The following EXT1 variants were observed in gnomAD, a reference collection of about 807,000 sequenced individuals.
The protein encoded by EXT1 is exostosin glycosyltransferase 1.
In EXT1, 20 loss-of-function variants were observed where a neutral mutation model predicts 82.5. That is an observed-to-expected ratio of 0.24 (90% CI 0.17 to 0.35). The LOEUF (loss-of-function observed/expected upper bound fraction) is 0.35, where lower values mean the gene tolerates loss of function less well. Among genes scored for constraint, EXT1 ranks in the 10% least tolerant of loss-of-function variants. The pLI, the probability that EXT1 is intolerant of heterozygous loss-of-function variation, is 1.00. For synonymous variants in EXT1, 348 were observed against 350.8 expected, an observed-to-expected ratio of 0.99 and a Z score of 0.09; for missense variants, 757 against 936.5, an observed-to-expected ratio of 0.81 and a Z score of 2.50.
intron 1 of EXT1, among the ~76,000 whole-genome samples, chr8:118,040,977 A>G (rs1480443792): frequency 6.6e-6 from 1 of 152,234 alleles, no homozygotes; most frequent in African/African-American, 2.4e-5. Flanking sequence ...AGGGGACCCA[A>G]TTCTCATCAA....
chr8:117,992,419 C>T (rs747280814), intron 1 of EXT1, among the ~76,000 whole-genome samples: 1 of 136,164 alleles, frequency 7.3e-6, no homozygotes, highest in African/African-American at 2.8e-5. Flanking sequence ...CTCAACGGGA[C>T]CTCCTCCTTT....
At chr8:117,834,691 T>TA (rs1554579893) in intron 3 of EXT1, among the ~76,000 whole-genome samples, 1 of 151,724 alleles carries the variant, frequency 6.6e-6, no homozygotes, top group African/African-American at 2.4e-5. Flanking sequence ...GCAAAGACAT[T>TA]AAAAAAAATT....
chr8:117,946,538 A>G (rs1306030230), intron 1 of EXT1, among the ~76,000 whole-genome samples: 1 of 152,178 alleles, frequency 6.6e-6, no homozygotes, highest in Non-Finnish European at 1.5e-5. Context: ...CTGCCAAGAC[A>G]CAACCAGGGC....
chr8:117,958,774 G>C (rs1417627812), intron 1 of EXT1, among the ~76,000 whole-genome samples: 1 of 152,084 alleles, frequency 6.6e-6, no homozygotes, highest in African/African-American at 2.4e-5. Flanking sequence ...TTTTCAACTA[G>C]CCTAAGCAAA....
chr8:117,944,855 T>A (rs73323928), intron 1 of EXT1, among the ~76,000 whole-genome samples: 2 of 152,124 alleles, frequency 1.3e-5, no homozygotes, highest in Non-Finnish European at 2.9e-5. Flanking sequence ...AGGTCTATGC[T>A]CAGTGCTAAA....
chr8:118,047,725 T>C (rs1372411212), intron 1 of EXT1, among the ~76,000 whole-genome samples: 1 of 152,166 alleles, frequency 6.6e-6, no homozygotes, highest in Non-Finnish European at 1.5e-5. Context: ...CGAAAAAATA[T>C]CTGCTATTTA....
At chr8:118,008,517 G>T (rs1815828316) in intron 1 of EXT1, among the ~76,000 whole-genome samples, 1 of 152,110 alleles carries the variant, frequency 6.6e-6, no homozygotes, top group South Asian at 2.1e-4. Flanking sequence ...CTCCAAAAGT[G>T]CTGGGATTAC....
chr8:117,800,000 T>G, intron 10 of EXT1, 103 bp from the exon 11 acceptor site: 2 of 1,276,342 alleles, frequency 1.6e-6, no homozygotes, highest in Non-Finnish European at 2.2e-6. Context: ...CAGCAAAGCT[T>G]GGGGTCTGGC....
At chr8:117,812,162 C>G (rs1212037726) in intron 8 of EXT1, among the ~76,000 whole-genome samples, 1 of 152,176 alleles carries the variant, frequency 6.6e-6, no homozygotes, top group East Asian at 1.9e-4. Context: ...CTCATATACT[C>G]CATTTTTATA....
rs760572042 is a variant in EXT1, at chr8:118,110,167, G to C, written c.880C>G (p.Leu294Val). 3 of 1,614,194 alleles carry C rather than the reference G, an allele frequency of 1.9e-6. No homozygotes were observed. In the Admixed American group the frequency reaches 5.0e-5, roughly 27 times the overall value. Residue 294 changes from leucine (L) to valine (V), a missense_variant, in exon 1 of 11, where the codon CTC becomes GTC. This residue lies in a region of EXT1 where 247 missense variants were observed against 330.1 expected (regional missense o/e 0.75). Coordinates refer to ENST00000378204, the MANE Select transcript of EXT1 (RefSeq NM_000127.3). ...YHVHNGEDVV[L>V]LTTCKHGKDW... ...TTGCCATGCTTGCAGGTGGTGAGGA[G>C]CACAACGTCCTCCCCGTTATGGACG...
At chr8:117,908,233 C>T (rs1429122285) in intron 1 of EXT1, among the ~76,000 whole-genome samples, 1 of 152,150 alleles carries the variant, frequency 6.6e-6, no homozygotes, top group Non-Finnish European at 1.5e-5. Flanking sequence ...AATTATTTCC[C>T]AAAACTGCAT....
At chr8:118,009,696 G>C (rs1815854037) in intron 1 of EXT1, among the ~76,000 whole-genome samples, 1 of 152,186 alleles carries the variant, frequency 6.6e-6, no homozygotes, top group South Asian at 2.1e-4. Flanking sequence ...TCATAGGAGA[G>C]TGAACCCTAT....
intron 1 of EXT1, among the ~76,000 whole-genome samples, chr8:118,088,807 T>G (rs191135157): frequency 1.4e-4 from 21 of 152,256 alleles, no homozygotes; most frequent in African/African-American, 5.1e-4. Flanking sequence ...CTGTACTCAC[T>G]AGTGCCAAGA....
At chr8:118,004,851 G>A (rs184954773) in intron 1 of EXT1, among the ~76,000 whole-genome samples, 4 of 152,278 alleles carry the variant, frequency 2.6e-5, no homozygotes, top group South Asian at 2.1e-4. Flanking sequence ...AGGAGTTAGG[G>A]TGAAGTATTT....
intron 1 of EXT1, among the ~76,000 whole-genome samples, chr8:118,067,327 G>A (rs1438900529): frequency 6.6e-6 from 1 of 152,190 alleles, no homozygotes; most frequent in Admixed American, 6.5e-5. Flanking sequence ...TCATTATACT[G>A]CGGTTCTTAC....
At chr8:117,924,903 G>A (rs1813924684) in intron 1 of EXT1, among the ~76,000 whole-genome samples, 1 of 152,114 alleles carries the variant, frequency 6.6e-6, no homozygotes, top group Non-Finnish European at 1.5e-5. Context: ...GATATGTAAT[G>A]GGCTCCCTGT....
At chr8:118,071,216 T>G (rs1817084913) in intron 1 of EXT1, among the ~76,000 whole-genome samples, 1 of 152,232 alleles carries the variant, frequency 6.6e-6, no homozygotes, top group Admixed American at 6.5e-5. Flanking sequence ...TCCTTAGGAC[T>G]GAATAAATAA....
intron 7 of EXT1, among the ~76,000 whole-genome samples, chr8:117,813,574 T>C (rs1348654299): frequency 6.6e-6 from 1 of 152,076 alleles, no homozygotes; most frequent in Non-Finnish European, 1.5e-5. Context: ...CTTTTACAAA[T>C]TACAAACATT....
chr8:118,077,145 C>A (rs537430031), intron 1 of EXT1, among the ~76,000 whole-genome samples: 6 of 152,304 alleles, frequency 3.9e-5, no homozygotes, highest in African/African-American at 1.2e-4. Context: ...AAGACACAGT[C>A]CTTTCAAGGT....
Sources: allele counts gnomAD v4.1 joint callset (sites outside exome capture counted in the v4.1 genomes callset), GRCh38; gene constraint gnomAD v4.1.1; regional missense constraint gnomAD v4.1.1; transcripts MANE v1.5; gene names NCBI Gene and HGNC (gene_info 2026-07-23, HGNC 2026-07-21).